The following ZNF207 variants were observed in gnomAD, a reference collection of about 807,000 sequenced individuals.
The protein encoded by ZNF207 is zinc finger protein 207, also known as BUB3-interacting and GLEBS motif-containing protein ZNF207.
A neutral mutation model predicts 60.2 loss-of-function variants in ZNF207; 24 were observed. The observed-to-expected ratio is 0.40, with a 90% CI of 0.29 to 0.56. ZNF207 has a LOEUF of 0.56. ZNF207 is among the 20% of genes least tolerant of loss of function. ZNF207 has a pLI of 0.49. For missense variants in ZNF207, 452 were observed against 636.6 expected, an observed-to-expected ratio of 0.71 and a Z score of 3.12; for synonymous variants, 236 against 194.7, an observed-to-expected ratio of 1.21 and a Z score of -1.77.
At position 32,370,727 on chromosome 17, in the gene ZNF207, T is replaced by C. The variant is rs565913291; in HGVS notation, c.*968T>C. On this transcript the variant is annotated 3_prime_UTR_variant, in exon 12 of 12. Coordinates refer to ENST00000394670, the MANE Select transcript of ZNF207 (RefSeq NM_001098507.2). ...GAGCCTAGTGCCAGACCCATTCATT[T>C]CCTTTTGATTATTTTTGAGACTCAG... 76 of 152,340 alleles carry C rather than the reference T, an allele frequency of 5.0e-4. No homozygotes were observed. Among genetic ancestry groups the C allele is most frequent in the African/African-American group, 1.5e-3 (61 of 41,572 alleles). 9.4% of individuals were successfully genotyped at this position (152,340 alleles called of 1,614,324 possible).
intron 2 of ZNF207, among the ~76,000 whole-genome samples, chr17:32,352,262 G>A (rs2041522097): frequency 6.6e-6 from 1 of 151,940 alleles, no homozygotes; most frequent in African/African-American, 2.4e-5. Context: ...GAGCCACCGC[G>A]CCTGGCCGAA....
chr17:32,351,925 C>G lies in ZNF207; in HGVS notation c.168+13C>G. On this transcript the variant is annotated intron_variant, in intron 2 of 11. Coordinates refer to ENST00000394670, the MANE Select transcript of ZNF207 (RefSeq NM_001098507.2). ...TCATTGCATGCAGGTAAGGATTTTT[C>G]TTCTGTATTTATTGTCCGCTTGTGA... 6.5e-7 allele frequency: 1 copy of G among 1,527,494 alleles called. No homozygotes were observed. The highest frequency in any genetic ancestry group is 8.8e-7 in the Non-Finnish European group (1 of 1,135,556). The allele number at this position is 1,527,494 out of a possible 1,614,324, so 94.6% of individuals were successfully genotyped here.
chr17:32,361,433 C>A, intron 5 of ZNF207, 35 bp from the exon 6 acceptor site: 1 of 1,580,736 alleles, frequency 6.3e-7, no homozygotes, highest in African/African-American at 1.3e-5. Flanking sequence ...TTGAAAATCA[C>A]AGTTAGATTT....
rs750434353 is a variant in ZNF207 at position 32,367,816 on chromosome 17, C to T, written c.966C>T (p.Pro322=). ...VQGPVGTDFK[P]LNSTPATTTE... ...GACCTGTTGGTACAGATTTCAAACCCTTAAATAGTACCCCTGCAACAACTA... is the reference window on the plus strand; with the variant it reads ...GACCTGTTGGTACAGATTTCAAACCTTTAAATAGTACCCCTGCAACAACTA... Residue 322 remains proline (P), a synonymous_variant, in exon 10 of 12, where the codon CCC becomes CCT. Coordinates refer to ENST00000394670, the MANE Select transcript of ZNF207 (RefSeq NM_001098507.2). The T allele has an allele frequency of 6.2e-7, 1 of 1,614,134 alleles. No individual in the cohort carries two copies. Among genetic ancestry groups the T allele is most frequent in the South Asian group, 1.1e-5 (1 of 91,078 alleles).
intron 5 of ZNF207, 76 bp from the exon 6 acceptor site, chr17:32,361,390 TGA>T (rs1283215380): frequency 1.7e-6 from 2 of 1,211,244 alleles, no homozygotes; most frequent in African/African-American, 3.0e-5. Flanking sequence ...TTGTTGGATG[TGA>T]GAGGTATACA....
At chr17:32,359,058 C>T (rs1381818480) in intron 3 of ZNF207, among the ~76,000 whole-genome samples, 2 of 151,306 alleles carry the variant, frequency 1.3e-5, no homozygotes, top group African/African-American at 4.9e-5. Flanking sequence ...CCACTTTTGC[C>T]TCGCAAAGTG....
At chr17:32,362,598 T>A (rs1904949029) in intron 6 of ZNF207, 1 of 217,738 alleles carries the variant, frequency 4.6e-6, no homozygotes. Flanking sequence ...AAGTGGTGAA[T>A]TTGCTTTCCC....
rs544715090 is a variant in ZNF207 at position 32,372,083 on chromosome 17, G to C, written c.*2324G>C. The C allele has an allele frequency of 2.0e-3, 293 of 145,878 alleles. 1 individual carries two copies. The highest frequency in any genetic ancestry group is 0.013 in the South Asian group (60 of 4,666). The allele number at this position is 145,878 out of a possible 1,614,324, so 9.0% of individuals were successfully genotyped here. On this transcript the variant is annotated 3_prime_UTR_variant, in exon 12 of 12. Transcript: ENST00000394670. The stretch of plus-strand genomic sequence containing the variant: ...TGGGAGGCCCAGGCGGGTGGATCAT[G>C]AGGTCAGGAGATGGAGACCATCCTG...
chr17:32,376,899 T>TAAAAA lies in ZNF207; in HGVS notation c.*7140_*7141insAAAAA, dbSNP rs1439396678. 6.6e-6 allele frequency: 1 copy of TAAAAA among 152,050 alleles called. No homozygotes were observed. The highest frequency in any genetic ancestry group is 1.5e-5 in the Non-Finnish European group (1 of 67,914). The allele number at this position is 152,050 out of a possible 1,614,324, so 9.4% of individuals were successfully genotyped here. On this transcript the variant is annotated 3_prime_UTR_variant, in exon 12 of 12. Coordinates refer to ENST00000394670, the MANE Select transcript of ZNF207 (RefSeq NM_001098507.2). ...AATCTGGCACAGCTTCAGTAATGTG[T>TAAAAA]GCTGTGTTTGTAAAAAGGTGAAGTA... is the stretch of plus-strand genomic sequence containing the variant.
intron 8 of ZNF207, among the ~76,000 whole-genome samples, chr17:32,365,862 G>C (rs960852094): frequency 6.6e-6 from 1 of 151,806 alleles, no homozygotes; most frequent in Non-Finnish European, 1.5e-5. Context: ...TAAGACGGTA[G>C]CAAATCATTT....
In ZNF207 at chr17:32,361,534, A is replaced by G. The variant is rs1055824446; in HGVS notation, c.599+19A>G. On this transcript the variant is annotated intron_variant, in intron 6 of 11. Coordinates refer to ENST00000394670, the MANE Select transcript of ZNF207 (RefSeq NM_001098507.2). The stretch of plus-strand genomic sequence containing the variant: ...AAAACATGTAAGCATCTCATTCATA[A>G]TGTAATTCAGGAGGTATAATCATAC... 13 of 1,601,908 alleles carry G rather than the reference A, an allele frequency of 8.1e-6. No homozygotes were observed. Among genetic ancestry groups the G allele is most frequent in the Non-Finnish European group, 1.1e-5 (13 of 1,172,990 alleles).
At chr17:32,365,628 G>A in intron 8 of ZNF207, 141 bp downstream of exon 8, 2 of 747,098 alleles carry the variant, frequency 2.7e-6, no homozygotes, top group Non-Finnish European at 3.6e-6. Flanking sequence ...ACTAAAAGGT[G>A]GCTTATCCAC....
In ZNF207 at chr17:32,369,676, A is replaced by G. The variant is rs1416169517; in HGVS notation, c.1402A>G (p.Met468Val). The change falls in exon 12 of 12, where the codon ATG becomes GTG. Residue 468 changes from methionine to valine, a missense_variant. Physicochemically the swap from Met to Val is conservative, Grantham distance 21. Around this residue, in one of 2 missense-constraint regions of ZNF207, gnomAD observed 390 missense variants for 461.4 expected, o/e 0.85. Coordinates refer to ENST00000394670, the MANE Select transcript of ZNF207 (RefSeq NM_001098507.2). The part of the protein sequence containing the change: ...AMPPYGQGPP[M>V]VPPYQGGPPR... ...GCCCCCGTATGGGCAGGGACCGCCA[A>G]TGGTGCCCCCTTACCAGGGTGGGCC... is the stretch of plus-strand genomic sequence containing the variant. The G allele has an allele frequency of 1.0e-5, 16 of 1,599,662 alleles. No individual in the cohort carries two copies. The highest frequency in any genetic ancestry group is 1.1e-5 in the South Asian group (1 of 88,786).
At chr17:32,353,484 T>C (rs991093584) in intron 2 of ZNF207, among the ~76,000 whole-genome samples, 2 of 151,850 alleles carry the variant, frequency 1.3e-5, no homozygotes, top group Admixed American at 6.6e-5. Flanking sequence ...TAATTTAATA[T>C]TCATTTTAAA....
chr17:32,350,247 C>G lies in ZNF207; in HGVS notation c.-39C>G, dbSNP rs760447540. The G allele has an allele frequency of 1.2e-6, 2 of 1,613,800 alleles. No individual in the cohort carries two copies. Among genetic ancestry groups the G allele is most frequent in the African/African-American group, 1.3e-5 (1 of 74,912 alleles). ...ATTTTTGGCCTCGTTTCTCCTGCTT[C>G]TTTTCTCCTCCCTTTTACTTTGCCG... On this transcript the variant is annotated 5_prime_UTR_variant, in exon 1 of 12. Transcript: ENST00000394670.
intron 2 of ZNF207, among the ~76,000 whole-genome samples, chr17:32,357,065 C>A (rs984905660): frequency 2.6e-5 from 4 of 151,824 alleles, no homozygotes; most frequent in African/African-American, 9.7e-5. Flanking sequence ...ACCTGTAGTC[C>A]CAGTTACTTG....
rs1905529052 is a variant in ZNF207 at position 32,372,761 on chromosome 17, A to AT, written c.*3004dup. On this transcript the variant is annotated 3_prime_UTR_variant, in exon 12 of 12. Coordinates refer to ENST00000394670, the MANE Select transcript of ZNF207 (RefSeq NM_001098507.2). ...TGTGGTTGAATTATGAGTGGAGCAA[A>AT]TTATATTCATATAATTAACTCTGAC... is the stretch of plus-strand genomic sequence containing the variant. 1 of 152,186 alleles carries AT rather than the reference A, an allele frequency of 6.6e-6. No homozygotes were observed. The highest frequency in any genetic ancestry group is 2.4e-5 in the African/African-American group (1 of 41,454). 9.4% of individuals were successfully genotyped at this position (152,186 alleles called of 1,614,324 possible).
At chr17:32,364,459 G>A (rs954887325) in intron 7 of ZNF207, among the ~76,000 whole-genome samples, 5 of 150,654 alleles carry the variant, frequency 3.3e-5, no homozygotes, top group African/African-American at 1.2e-4. Flanking sequence ...CTGGGTTCAA[G>A]CGATTTTCTC....
Position 32,381,711 on chromosome 17 carries a change from C to T in ZNF207, c.*11952C>T, listed in dbSNP as rs1378036355. ...CATTTGAAAAATGGTGCTTTATTTC[C>T]ATATCTGAAGCCTGAAGTTATTTTT... On this transcript the variant is annotated 3_prime_UTR_variant, in exon 12 of 12. Coordinates refer to ENST00000394670, the MANE Select transcript of ZNF207 (RefSeq NM_001098507.2). 6.6e-6 allele frequency: 1 copy of T among 152,090 alleles called. No homozygotes were observed. The highest frequency in any genetic ancestry group is 6.6e-5 in the Admixed American group (1 of 15,266). 9.4% of individuals were successfully genotyped at this position (152,090 alleles called of 1,614,324 possible). A position where few individuals can be genotyped will look rare whatever the true frequency, so the allele number is the denominator to read the frequency against.
Sources: allele counts gnomAD v4.1 joint callset (sites outside exome capture counted in the v4.1 genomes callset), GRCh38; gene constraint gnomAD v4.1.1; regional missense constraint gnomAD v4.1.1; transcripts MANE v1.5; gene names NCBI Gene and HGNC (gene_info 2026-07-23, HGNC 2026-07-21).